The following VAV2 variants were observed in gnomAD, a reference collection of about 807,000 sequenced individuals.
VAV2 encodes the protein vav guanine nucleotide exchange factor 2.
A neutral mutation model predicts 132.5 loss-of-function variants in VAV2; 67 were observed. The observed-to-expected ratio is 0.51, with a 90% CI of 0.42 to 0.62. The LOEUF (loss-of-function observed/expected upper bound fraction) is 0.62. VAV2 is among the 20% of genes least tolerant of loss of function. VAV2 has a pLI of 0.00. For missense variants in VAV2, 938 were observed against 1,153.6 expected, an observed-to-expected ratio of 0.81 and a Z score of 2.71; for synonymous variants, 492 against 443.5, an observed-to-expected ratio of 1.11 and a Z score of -1.37.
intron 3 of VAV2, among the ~76,000 whole-genome samples, chr9:133,835,520 C>A (rs917362518): frequency 2.0e-5 from 3 of 152,204 alleles, no homozygotes; most frequent in Admixed American, 6.5e-5. Flanking sequence ...AGAGGAGACA[C>A]GAAAGGCCCC....
At position 133,826,902 on chromosome 9, in the gene VAV2, C is replaced by T. The variant is rs1188527623; in HGVS notation, c.449+7370G>A. ...CAAGGGCAACCCTGCCACAGCGGCACCAGTGTCCTCGCAAGACGCACTCAT... is the reference window on the plus strand; with the variant it reads ...CAAGGGCAACCCTGCCACAGCGGCATCAGTGTCCTCGCAAGACGCACTCAT... On this transcript the variant is annotated intron_variant, in intron 4 of 29. Transcript: ENST00000371850. This position sits in a 1 kb window ranked among gnomAD's most constrained non-coding sequence, Gnocchi z 4.2. Among the ~76,000 whole-genome samples the T allele has an allele frequency of 1.3e-5, 2 of 152,164 alleles. No homozygotes were observed. Among genetic ancestry groups the T allele is most frequent in the Non-Finnish European group, 2.9e-5 (2 of 68,022 alleles).
chr9:133,860,815 C>T (rs376176533), intron 3 of VAV2, among the ~76,000 whole-genome samples: 8 of 152,272 alleles, frequency 5.3e-5, no homozygotes, highest in South Asian at 2.1e-4. Flanking sequence ...CTCTCACAGA[C>T]GCCCAAGTGC....
At chr9:133,767,141 T>C (rs1461512624) in intron 29 of VAV2, among the ~76,000 whole-genome samples, 1 of 152,150 alleles carries the variant, frequency 6.6e-6, no homozygotes, top group Non-Finnish European at 1.5e-5. Flanking sequence ...AGCTCAGTAA[T>C]TACATTAAAT....
chr9:133,808,300 G>A (rs968859742), intron 7 of VAV2, among the ~76,000 whole-genome samples: 10 of 152,204 alleles, frequency 6.6e-5, no homozygotes, highest in Non-Finnish European at 1.0e-4. Flanking sequence ...GGGCCCGGCC[G>A]GAGCAAGGCC....
At chr9:133,871,478 ATG>A (rs1838050214) in intron 2 of VAV2, among the ~76,000 whole-genome samples, 1 of 123,162 alleles carries the variant, frequency 8.1e-6, no homozygotes, top group African/African-American at 4.9e-5. Context: ...GGATGGATGG[ATG>A]GATGGATGGA....
chr9:133,784,287 G>T (rs749529193), intron 18 of VAV2, 30 bp downstream of exon 18: 3 of 1,605,566 alleles, frequency 1.9e-6, no homozygotes, highest in Non-Finnish European at 2.6e-6. Flanking sequence ...GTGGAGCGAG[G>T]TGAGGGCTGT....
chr9:133,962,828 T>C (rs1842009117), intron 1 of VAV2, among the ~76,000 whole-genome samples: 1 of 152,228 alleles, frequency 6.6e-6, no homozygotes, highest in Non-Finnish European at 1.5e-5. Flanking sequence ...AAGAGTATCT[T>C]TTCTGCTTCA....
At chr9:133,792,007 G>GT (rs369075484) in intron 12 of VAV2, 138 bp from the exon 13 acceptor site, 3 of 189,912 alleles carry the variant, frequency 1.6e-5, no homozygotes, top group Non-Finnish European at 2.7e-5. Context: ...GACTGTGTGT[G>GT]AATGAGCTGT....
At position 133,788,377 on chromosome 9, in the gene VAV2, T is replaced by A. The variant is rs1228990434; in HGVS notation, c.1384A>T (p.Met462Leu). The part of the protein sequence containing the change: ...LLFHKMTDDP[M>L]NNKDVKKSHG... ...ACCTTCTTGACGTCCTTGTTGTTCATGGGGTCGTCGGTCATCTTGTGGAAC... is the reference window on the plus strand; with the variant it reads ...ACCTTCTTGACGTCCTTGTTGTTCAAGGGGTCGTCGGTCATCTTGTGGAAC... Residue 462 changes from methionine to leucine, a missense_variant, in exon 15 of 30, where the codon ATG becomes TTG. Met to Leu is a conservative substitution (Grantham distance 15). Transcript: ENST00000371850. The surrounding 1 kb of genome is among the most constrained non-coding windows in gnomAD (Gnocchi z 5.3). 6.2e-7 allele frequency: 1 copy of A among 1,610,354 alleles called. No individual in the cohort carries two copies. Among genetic ancestry groups the A allele is most frequent in the Non-Finnish European group, 8.5e-7 (1 of 1,177,002 alleles).
chr9:133,851,333 T>G (rs769599878), intron 3 of VAV2, among the ~76,000 whole-genome samples: 7 of 152,160 alleles, frequency 4.6e-5, no homozygotes, highest in Non-Finnish European at 1.0e-4. Context: ...ACTCTCAGCT[T>G]TTGGACCCAC....
chr9:133,949,369 T>C (rs2073885), intron 1 of VAV2, among the ~76,000 whole-genome samples: 110,866 of 152,108 alleles, frequency 0.73, 40,536 homozygotes, highest in East Asian at 0.8. Context: ...CTTTGGTTCA[T>C]TCAAGGTGGG....
chr9:133,813,737 C>T (rs1835447483), intron 4 of VAV2, among the ~76,000 whole-genome samples: 1 of 152,196 alleles, frequency 6.6e-6, no homozygotes, highest in East Asian at 1.9e-4. Context: ...GGATGAAAGC[C>T]GGTCAGAGGA....
rs370332252 is a variant in VAV2, at chr9:133,778,840, G to A, written c.1812C>T (p.Pro604=). The stretch of plus-strand genomic sequence containing the variant: ...TCTGGAAGGTCAGCACAGGCTTCCC[G>A]GGAGGGGCTGGGTTGCCATGGTAAT... The part of the protein sequence containing the change: ...MQNYHGNPAP[P]GKPVLTFQTG... The change falls in exon 22 of 30, where the codon CCC becomes CCT. Residue 604 remains proline (P), a synonymous_variant. Coordinates refer to ENST00000371850, the MANE Select transcript of VAV2 (RefSeq NM_001134398.2). 200 of 1,612,682 alleles carry A rather than the reference G, an allele frequency of 1.2e-4. No homozygotes were observed. The highest frequency in any genetic ancestry group is 2.8e-4 in the Admixed American group (17 of 59,992).
intron 3 of VAV2, among the ~76,000 whole-genome samples, chr9:133,839,988 T>TCCCCGC (rs1836653240): frequency 6.6e-6 from 1 of 151,524 alleles, no homozygotes; most frequent in South Asian, 2.1e-4. Flanking sequence ...CACCCCCCAC[T>TCCCCGC]CCCCGCCCCC....
intron 2 of VAV2, among the ~76,000 whole-genome samples, chr9:133,862,842 T>C (rs375786585): frequency 6.6e-6 from 1 of 152,176 alleles, no homozygotes; most frequent in African/African-American, 2.4e-5. Flanking sequence ...CCTGTTCCGC[T>C]TCCAGCAGCA....
intron 12 of VAV2, among the ~76,000 whole-genome samples, chr9:133,793,868 C>T (rs1222836489): frequency 3.9e-5 from 6 of 152,116 alleles, no homozygotes; most frequent in African/African-American, 7.2e-5. Flanking sequence ...GGTACAGCGA[C>T]GACTCCCATA....
At chr9:133,782,395 G>A (rs553099492) in intron 19 of VAV2, among the ~76,000 whole-genome samples, 14 of 152,210 alleles carry the variant, frequency 9.2e-5, no homozygotes, top group African/African-American at 1.4e-4. Context: ...GGCTGCCTGC[G>A]GAATCCTCCA....
chr9:133,785,289 G>A (rs1016288956), intron 17 of VAV2, among the ~76,000 whole-genome samples: 4 of 152,220 alleles, frequency 2.6e-5, no homozygotes, highest in African/African-American at 7.2e-5. Flanking sequence ...CGTGTTCCGG[G>A]AACCCGTTCA....
chr9:133,830,315 G>A (rs948769481), intron 4 of VAV2, among the ~76,000 whole-genome samples: 4 of 152,160 alleles, frequency 2.6e-5, no homozygotes, highest in Admixed American at 2.6e-4. Flanking sequence ...GATATGGTCT[G>A]GCTGTGTCCC....
Sources: gnomAD v4.1 joint callset for allele counts (sites outside exome capture counted in the v4.1 genomes callset) on GRCh38, gnomAD v4.1.1 for gene constraint, Gnocchi (gnomAD v3.1) non-coding constraint, MANE v1.5 for transcripts, NCBI Gene and HGNC (gene_info 2026-07-23, HGNC 2026-07-21) for gene names.